Variants in NUFIP2 observed in about 807,000 individuals in gnomAD.
NUFIP2 encodes the protein nuclear FMR1 interacting protein 2, also known as FMR1-interacting protein NUFIP2.
A neutral mutation model predicts 56.9 loss-of-function variants in NUFIP2; 6 were observed. That is an observed-to-expected ratio of 0.11 (90% CI 0.06 to 0.21). The LOEUF is 0.21. Among genes scored for constraint, NUFIP2 ranks in the 10% least tolerant of loss-of-function variants. NUFIP2 has a pLI of 1.00. For synonymous variants in NUFIP2, 321 were observed against 298.2 expected, an observed-to-expected ratio of 1.08 and a Z score of -0.79; for missense variants, 828 against 826.8, an observed-to-expected ratio of 1.00 and a Z score of -0.02.
chr17:29,269,546 T>TAGA (rs2069059223), intron 2 of NUFIP2, among the ~76,000 whole-genome samples: 2 of 151,864 alleles, frequency 1.3e-5, no homozygotes, highest in African/African-American at 4.8e-5. Flanking sequence ...TCTTGCTCTA[T>TAGA]AGCACAGGCT....
At position 29,287,554 on chromosome 17, in the gene NUFIP2, G is replaced by A. The variant is rs1403073172; in HGVS notation, c.440C>T (p.Ala147Val). 6.2e-7 allele frequency: 1 copy of A among 1,613,966 alleles called. No homozygotes were observed. Among genetic ancestry groups the A allele is most frequent in the Admixed American group, 1.7e-5 (1 of 59,990 alleles). Reference sequence around the variant, plus strand: ...AATGAAATTCTTGGTTTTAATTCCTGCTTTCCCAAAGGTGTTGGCCTTTAC... The same window carrying A: ...AATGAAATTCTTGGTTTTAATTCCTACTTTCCCAAAGGTGTTGGCCTTTAC... ...QTVKANTFGK[A>V]GIKTKNFIQK... is the part of the protein sequence containing the mutation. Residue 147 changes from alanine to valine, a missense_variant, in exon 2 of 4, where the codon GCA becomes GTA. Around this residue, in one of 3 missense-constraint regions of NUFIP2, gnomAD observed 415 missense variants for 408.7 expected, o/e 1.02. Transcript: ENST00000225388.
intron 1 of NUFIP2, among the ~76,000 whole-genome samples, chr17:29,289,516 C>T (rs1318376706): frequency 2.0e-5 from 3 of 151,946 alleles, no homozygotes; most frequent in Middle Eastern, 3.4e-3. Context: ...GGCTTGAATC[C>T]GGGAGGCAGA....
chr17:29,280,383 G>A (rs895137979), intron 2 of NUFIP2, among the ~76,000 whole-genome samples: 1 of 152,190 alleles, frequency 6.6e-6, no homozygotes, highest in Admixed American at 6.5e-5. Flanking sequence ...AGCATTCTGA[G>A]ATAACTACTT....
chr17:29,288,751 A>G (rs1288816134), intron 1 of NUFIP2, among the ~76,000 whole-genome samples: 2 of 152,256 alleles, frequency 1.3e-5, no homozygotes, highest in South Asian at 2.1e-4. Flanking sequence ...ATGGTTTCCT[A>G]TCACTATGTA....
chr17:29,284,092 A>G (rs114801370), intron 2 of NUFIP2, among the ~76,000 whole-genome samples: 23 of 152,316 alleles, frequency 1.5e-4, no homozygotes, highest in African/African-American at 5.5e-4. Flanking sequence ...TCCAGAGAGA[A>G]TATGGTAATT....
intron 2 of NUFIP2, among the ~76,000 whole-genome samples, chr17:29,270,702 A>G (rs2069066745): frequency 1.3e-5 from 2 of 152,180 alleles, no homozygotes; most frequent in Admixed American, 1.3e-4. Context: ...AAAATTGGCC[A>G]GGTATAGTGG....
chr17:29,291,640 C>A (rs763685797), intron 1 of NUFIP2, among the ~76,000 whole-genome samples: 1 of 152,208 alleles, frequency 6.6e-6, no homozygotes, highest in Non-Finnish European at 1.5e-5. Context: ...AGAAGTCTGG[C>A]AAGAGTATAT....
rs1221758877 is a variant in NUFIP2, at chr17:29,257,585, A to G, written c.*6954T>C. On this transcript the variant is annotated 3_prime_UTR_variant, in exon 4 of 4. Transcript: ENST00000225388. ...TGAGACAATTGTTGCAGACATAAATATTTAAAATTTTCTAAGCAAGGTGCT... is the reference window on the plus strand; with the variant it reads ...TGAGACAATTGTTGCAGACATAAATGTTTAAAATTTTCTAAGCAAGGTGCT... 2 of 152,092 alleles carry G rather than the reference A, an allele frequency of 1.3e-5. No homozygotes were observed. The highest frequency in any genetic ancestry group is 4.8e-5 in the African/African-American group (2 of 41,396). The allele number at this position is 152,092 out of a possible 1,614,324, so 9.4% of individuals were successfully genotyped here. A position where few individuals can be genotyped will look rare whatever the true frequency, so the allele number is the denominator to read the frequency against.
chr17:29,287,861 A>C, intron 1 of NUFIP2, 145 bp from the exon 2 acceptor site: 2 of 847,920 alleles, frequency 2.4e-6, no homozygotes, highest in Non-Finnish European at 3.5e-6. Context: ...CTATGAGAAG[A>C]CACCTGTCAG....
chr17:29,287,464 G>A lies in NUFIP2; in HGVS notation c.530C>T (p.Ser177Phe), dbSNP rs2069184647. The A allele has an allele frequency of 6.2e-7, 1 of 1,613,938 alleles. No individual in the cohort carries two copies. Among genetic ancestry groups the A allele is most frequent in the Non-Finnish European group, 8.5e-7 (1 of 1,179,958 alleles). Residue 177 changes from serine (S) to phenylalanine (F), a missense_variant, in exon 2 of 4, where the codon TCT becomes TTT. Around this residue, in one of 3 missense-constraint regions of NUFIP2, gnomAD observed 415 missense variants for 408.7 expected, o/e 1.02. Transcript: ENST00000225388. ...TGGTATAGTATCAGACTTATCTACA[G>A]ACTGATTCTCTCCAGATTTATTTTC... Reference protein sequence around the residue: ...SYENKSGENQSVDKSDTIPIP... With the variant: ...SYENKSGENQFVDKSDTIPIP...
In NUFIP2 at chr17:29,262,874, C is replaced by T. The variant is rs1483185719; in HGVS notation, c.*1665G>A. 6.6e-6 allele frequency: 1 copy of T among 152,196 alleles called. No individual in the cohort carries two copies. Among genetic ancestry groups the T allele is most frequent in the Non-Finnish European group, 1.5e-5 (1 of 67,980 alleles). The allele number at this position is 152,196 out of a possible 1,614,324, so 9.4% of individuals were successfully genotyped here. A position where few individuals can be genotyped will look rare whatever the true frequency, so the allele number is the denominator to read the frequency against. On this transcript the variant is annotated 3_prime_UTR_variant, in exon 4 of 4. Coordinates refer to ENST00000225388, the MANE Select transcript of NUFIP2 (RefSeq NM_020772.3). ...TTACTCTACTCTATGTTGAGTCCAA[C>T]AGCTTCTTTCATGAACTACTTGTTT...
At chr17:29,273,433 AAGTGCTGGGAC>A (rs1380707783) in intron 2 of NUFIP2, among the ~76,000 whole-genome samples, 1 of 151,998 alleles carries the variant, frequency 6.6e-6, no homozygotes, top group African/African-American at 2.4e-5. Context: ...TGGCCTCCCA[AAGTGCTGGGAC>A]TACAGGCGTG....
intron 2 of NUFIP2, among the ~76,000 whole-genome samples, chr17:29,273,348 T>G (rs1440792692): frequency 2.0e-5 from 3 of 151,780 alleles, no homozygotes; most frequent in African/African-American, 7.3e-5. Context: ...AATTTTTGTA[T>G]TTTTAGTAGA....
chr17:29,269,886 A>T (rs1206627788), intron 2 of NUFIP2, among the ~76,000 whole-genome samples: 1 of 151,944 alleles, frequency 6.6e-6, no homozygotes, highest in African/African-American at 2.4e-5. Context: ...ACGCCTGGCT[A>T]ATTTTTTGTA....
chr17:29,285,612 AACAAAAAAGCAAAG>A (rs754768813), intron 2 of NUFIP2, among the ~76,000 whole-genome samples: 31 of 152,238 alleles, frequency 2.0e-4, no homozygotes, highest in Admixed American at 7.9e-4. Context: ...CACAAAACAA[AACAAAAAAGCAAAG>A]ACAAAAAAGC....
At chr17:29,290,632 C>T (rs2069205493) in intron 1 of NUFIP2, among the ~76,000 whole-genome samples, 1 of 149,152 alleles carries the variant, frequency 6.7e-6, no homozygotes, top group South Asian at 2.1e-4. Flanking sequence ...CCAGCCTGGG[C>T]CACAGAGTAA....
At chr17:29,293,296 G>A (rs2069230011) in intron 1 of NUFIP2, among the ~76,000 whole-genome samples, 1 of 151,450 alleles carries the variant, frequency 6.6e-6, no homozygotes, top group Admixed American at 6.6e-5. Flanking sequence ...CGGGTGAGGG[G>A]CACTTCCTCA....
At chr17:29,279,071 A>T (rs937762591) in intron 2 of NUFIP2, among the ~76,000 whole-genome samples, 13 of 152,232 alleles carry the variant, frequency 8.5e-5, no homozygotes, top group African/African-American at 3.1e-4. Context: ...GCACACATTA[A>T]TAAGATTATT....
rs775267633 is a variant in NUFIP2, at chr17:29,286,891, T to C, written c.1103A>G (p.Lys368Arg). Residue 368 changes from lysine (K) to arginine (R), a missense_variant, in exon 2 of 4, where the codon AAA (lysine) becomes AGA (arginine). Lys to Arg is a conservative substitution (Grantham distance 26). This residue lies in a region of NUFIP2 where 404 missense variants were observed against 380.3 expected (regional missense o/e 1.06). Coordinates refer to ENST00000225388, the MANE Select transcript of NUFIP2 (RefSeq NM_020772.3). ...TGACACAGAAGAGTTCTGTATAGTT[T>C]TGTTGAGGTTTTCCTTAACTTTGCT... ...YASKVKENLN[K>R]TIQNSSVSPT... The C allele has an allele frequency of 6.2e-7, 1 of 1,614,196 alleles. No homozygotes were observed.
Sources: allele counts gnomAD v4.1 joint callset (sites outside exome capture counted in the v4.1 genomes callset), GRCh38; gene constraint gnomAD v4.1.1; regional missense constraint gnomAD v4.1.1; transcripts MANE v1.5; gene names NCBI Gene and HGNC (gene_info 2026-07-23, HGNC 2026-07-21).